The following ALPK1 variants were observed in gnomAD, a reference collection of about 807,000 sequenced individuals.
The protein encoded by ALPK1 is alpha-protein kinase 1.
ALPK1 carries 110 observed loss-of-function variants against 120.6 expected under a neutral mutation model. That is an observed-to-expected ratio of 0.91 (90% CI 0.78 to 1.07). ALPK1 has a LOEUF of 1.07. Among genes scored for constraint, ALPK1 ranks in the 50% least tolerant of loss-of-function variants. ALPK1 has a pLI of 0.00. For missense variants in ALPK1, 1,498 were observed against 1,483.9 expected (o/e 1.01, Z -0.16); for synonymous variants, 582 against 560.3 (o/e 1.04, Z -0.55).
chr4:112,307,589 C>T (rs1183426516), intron 1 of ALPK1, among the ~76,000 whole-genome samples: 3 of 151,966 alleles, frequency 2.0e-5, no homozygotes, highest in African/African-American at 7.3e-5. Flanking sequence ...TTTCTGTATT[C>T]CATTTGCTTG....
chr4:112,358,810 G>A, intron 2 of ALPK1: 1 of 819,688 alleles, frequency 1.2e-6, no homozygotes, highest in South Asian at 1.3e-5. Context: ...TAGGAGCTGA[G>A]CCAAGCCAAC....
At chr4:112,416,993 T>C (rs578251444) in intron 5 of ALPK1, among the ~76,000 whole-genome samples, 1 of 151,706 alleles carries the variant, frequency 6.6e-6, no homozygotes, top group African/African-American at 2.4e-5. Flanking sequence ...CAGATTAATA[T>C]AGGAAGTATA....
intron 2 of ALPK1, among the ~76,000 whole-genome samples, chr4:112,326,375 T>C (rs1047938140): frequency 3.3e-5 from 5 of 152,118 alleles, no homozygotes; most frequent in Admixed American, 6.6e-5. Flanking sequence ...CCATCATAAA[T>C]AGGTCAGATA....
intron 5 of ALPK1, chr4:112,412,360 T>C: frequency 2.0e-6 from 1 of 504,048 alleles, no homozygotes; most frequent in South Asian, 1.5e-5. Context: ...CAAGAGTCTT[T>C]AAAAAGCAGA....
At chr4:112,433,227 A>G (rs1478310882) in intron 11 of ALPK1, among the ~76,000 whole-genome samples, 4 of 152,212 alleles carry the variant, frequency 2.6e-5, no homozygotes, top group Non-Finnish European at 4.4e-5. Context: ...GCATATGAAC[A>G]ACAGAAATTT....
Position 112,440,435 on chromosome 4 carries a change from ATAAG to A in ALPK1, c.3539-477_3539-474del, listed in dbSNP as rs1222231735. 2.6e-5 allele frequency among the ~76,000 whole-genome samples: 4 copies of A among 152,186 alleles called. No homozygotes were observed. The East Asian group carries it at 5.8e-4, about 22-fold the overall frequency. ...AAATACCCTATACTTCATGTAAATT[ATAAG>A]TAAGATTTTTTACTAGCTTGTTCAG... is the stretch of plus-strand genomic sequence containing the variant. On this transcript the variant is annotated intron_variant, in intron 14 of 15. Coordinates refer to ENST00000650871, the MANE Select transcript of ALPK1 (RefSeq NM_025144.4).
rs1578474018 is a variant in ALPK1 at position 112,334,311 on chromosome 4, T to C, written c.-101+18459T>C. On this transcript the variant is annotated intron_variant, in intron 2 of 15. Coordinates refer to ENST00000650871, the MANE Select transcript of ALPK1 (RefSeq NM_025144.4). The stretch of plus-strand genomic sequence containing the variant: ...AGCCAGGTGTGGTGGCATGCGCCTG[T>C]AGTCCTAGCTACTTGGGAGGCTGAG... 2.0e-5 allele frequency among the ~76,000 whole-genome samples: 3 copies of C among 152,028 alleles called. No homozygotes were observed. In the East Asian group the frequency reaches 5.8e-4, roughly 29 times the overall value.
intron 1 of ALPK1, among the ~76,000 whole-genome samples, chr4:112,301,904 C>T (rs2110518361): frequency 6.6e-6 from 1 of 152,136 alleles, no homozygotes; most frequent in Middle Eastern, 3.4e-3. Context: ...GCATTTTCAC[C>T]CCATATCCTC....
intron 2 of ALPK1, among the ~76,000 whole-genome samples, chr4:112,339,192 A>G (rs552015176): frequency 6.6e-6 from 1 of 152,356 alleles, no homozygotes; most frequent in East Asian, 1.9e-4. Context: ...CAAATGAGGG[A>G]CAACCCTGGA....
At chr4:112,357,528 G>A in intron 2 of ALPK1, 2 of 955,674 alleles carry the variant, frequency 2.1e-6, no homozygotes. Flanking sequence ...TGGTCTGTCA[G>A]GGCATCTGCT....
chr4:112,334,368 G>T (rs549766219), intron 2 of ALPK1, among the ~76,000 whole-genome samples: 8 of 150,582 alleles, frequency 5.3e-5, no homozygotes, highest in Non-Finnish European at 1.0e-4. Flanking sequence ...GGGAGGTGGA[G>T]ATTGCAATGA....
intron 8 of ALPK1, among the ~76,000 whole-genome samples, 192 bp from the exon 9 acceptor site, chr4:112,427,378 T>A (rs1734283510): frequency 3.0e-5 from 1 of 33,282 alleles, no homozygotes; most frequent in African/African-American, 1.6e-4. Flanking sequence ...CATGTATTTT[T>A]AAAAATAGTA....
At chr4:112,403,458 T>C (rs1001628884) in intron 4 of ALPK1, among the ~76,000 whole-genome samples, 2 of 152,138 alleles carry the variant, frequency 1.3e-5, no homozygotes, top group East Asian at 3.8e-4. Flanking sequence ...TTCTCCTGAG[T>C]TGACTTCTCT....
At chr4:112,360,375 C>G (rs192887960) in intron 2 of ALPK1, among the ~76,000 whole-genome samples, 2 of 152,044 alleles carry the variant, frequency 1.3e-5, no homozygotes, top group Non-Finnish European at 2.9e-5. Context: ...GTGAATAATG[C>G]GGCCATGAAT....
At chr4:112,311,834 C>T (rs1387300225) in intron 1 of ALPK1, among the ~76,000 whole-genome samples, 2 of 152,116 alleles carry the variant, frequency 1.3e-5, no homozygotes, top group Admixed American at 1.3e-4. Context: ...TTAAGTAGGT[C>T]GGGGCAGGCA....
chr4:112,305,037 T>C (rs989052157), intron 1 of ALPK1, among the ~76,000 whole-genome samples: 4 of 152,118 alleles, frequency 2.6e-5, no homozygotes, highest in Non-Finnish European at 5.9e-5. Context: ...TTTTGTCAGG[T>C]TTGTCAAAGA....
chr4:112,351,127 A>G lies in ALPK1; in HGVS notation c.-100-26551A>G, dbSNP rs559224536. On this transcript the variant is annotated intron_variant, in intron 2 of 15. Coordinates refer to ENST00000650871, the MANE Select transcript of ALPK1 (RefSeq NM_025144.4). Reference sequence around the variant, plus strand: ...TGATGGAGTGGGTAACTGTAGCTGGAGAGTATGAGCGGCAGCCTCTGCAGT... The same window carrying G: ...TGATGGAGTGGGTAACTGTAGCTGGGGAGTATGAGCGGCAGCCTCTGCAGT... 4.5e-4 allele frequency among the ~76,000 whole-genome samples: 69 copies of G among 152,274 alleles called. 1 individual carries two copies. The highest frequency in any genetic ancestry group is 1.7e-3 in the African/African-American group (69 of 41,540).
chr4:112,360,271 T>G (rs2148716572), intron 2 of ALPK1, among the ~76,000 whole-genome samples: 1 of 152,314 alleles, frequency 6.6e-6, no homozygotes, highest in Admixed American at 6.5e-5. Context: ...ATTTTAAGGC[T>G]GAGTAATATT....
intron 5 of ALPK1, 34 bp downstream of exon 5, chr4:112,412,059 T>A: frequency 6.2e-7 from 1 of 1,610,180 alleles, no homozygotes; most frequent in Non-Finnish European, 8.5e-7. Flanking sequence ...CCCCGCGTCC[T>A]CAGTGTCTTC....
Sources: gnomAD v4.1 joint callset for allele counts (sites outside exome capture counted in the v4.1 genomes callset) on GRCh38, gnomAD v4.1.1 for gene constraint, MANE v1.5 for transcripts, NCBI Gene and HGNC (gene_info 2026-07-23, HGNC 2026-07-21) for gene names.